The following DSE variants were observed in gnomAD, a reference collection of about 807,000 sequenced individuals.
DSE encodes the protein dermatan-sulfate epimerase.
Under a neutral mutation model 84.4 loss-of-function variants are expected in DSE, and 36 were observed. The ratio of observed to expected loss-of-function variants is 0.43; its 90% CI spans 0.33 to 0.56. DSE has a LOEUF of 0.56. Ranked by LOEUF, DSE falls within the 20% of genes least tolerant of loss-of-function variation. DSE has a pLI of 0.06. For missense variants in DSE, 862 were observed against 1,169.6 expected (o/e 0.74, Z 3.84); for synonymous variants, 410 against 430.1 (o/e 0.95, Z 0.58).
At chr6:116,432,080 G>C (rs1005745106) in intron 4 of DSE, among the ~76,000 whole-genome samples, 15 of 152,300 alleles carry the variant, frequency 9.8e-5, no homozygotes, top group African/African-American at 3.6e-4. Flanking sequence ...TTAAGATTTA[G>C]TTTAGACTTA....
At chr6:116,431,713 CAA>C (rs376536609) in intron 4 of DSE, among the ~76,000 whole-genome samples, 1 of 151,794 alleles carries the variant, frequency 6.6e-6, no homozygotes, top group Non-Finnish European at 1.5e-5. Context: ...GAAAAGTAAA[CAA>C]AAAAAGTGCT....
At chr6:116,348,675 C>T (rs371569132) in intron 2 of DSE, among the ~76,000 whole-genome samples, 68 of 152,220 alleles carry the variant, frequency 4.5e-4, no homozygotes, top group East Asian at 1.2e-3. Context: ...CACATGCACA[C>T]GTATGTTTAT....
intron 2 of DSE, among the ~76,000 whole-genome samples, chr6:116,289,357 C>A (rs1301784768): frequency 6.6e-6 from 1 of 151,912 alleles, no homozygotes; most frequent in Non-Finnish European, 1.5e-5. Flanking sequence ...ACCAAAAATT[C>A]ACAGTCAAGC....
In DSE at chr6:116,430,976, A is replaced by G. The variant is rs747871581; in HGVS notation, c.693A>G (p.Leu231=). 8.7e-6 allele frequency: 14 copies of G among 1,613,882 alleles called. No individual in the cohort carries two copies. The highest frequency in any genetic ancestry group is 2.2e-5 in the East Asian group (1 of 44,882). The part of the protein sequence containing the change: ...MNQGYLQEAY[L]WTKQVLTIME... ...CAGGATATCTTCAAGAAGCCTACTT[A>G]TGGACCAAACAAGTTCTGACCATCA... is the stretch of plus-strand genomic sequence containing the variant. Residue 231 remains leucine, a synonymous_variant, in exon 4 of 6, where the codon TTA becomes TTG. Coordinates refer to ENST00000644252, the MANE Select transcript of DSE (RefSeq NM_013352.4).
In DSE at chr6:116,267,788, C is replaced by A. The variant is rs573071042; in HGVS notation, c.-54+8821C>A. Among the ~76,000 whole-genome samples, 4 of 152,038 alleles carry A rather than the reference C, an allele frequency of 2.6e-5. No individual in the cohort carries two copies. The East Asian group carries it at 7.7e-4, about 29-fold the overall frequency. ...CTGACAGTTCCGTATGCCTGAGGAG[C>A]CCTCAGGAAACTTACAATCATGACA... On this transcript the variant is annotated intron_variant, in intron 2 of 3. Coordinates refer to the DSE transcript ENST00000430252.
At position 116,436,212 on chromosome 6, in the gene DSE, A is replaced by G. The variant is rs1439663212; in HGVS notation, c.1744A>G (p.Thr582Ala). The G allele has an allele frequency of 6.2e-7, 1 of 1,614,004 alleles. No homozygotes were observed. The highest frequency in any genetic ancestry group is 8.5e-7 in the Non-Finnish European group (1 of 1,179,996). Residue 582 changes from threonine (T) to alanine (A), a missense_variant, in exon 6 of 6, where the codon ACA (threonine) becomes GCA (alanine). Thr to Ala is a moderately conservative substitution (Grantham distance 58). Transcript: ENST00000644252. ...CCTGGGAGAGGAGAGTCCCTTGGAG[A>G]CAGCAGCGAGCTTCTTCCATAATGT... is the stretch of plus-strand genomic sequence containing the variant. ...IHLGEESPLE[T>A]AASFFHNVDV...
In DSE at chr6:116,440,481, A is replaced by G. The variant is rs755845507; in HGVS notation, c.*3136A>G. ...CCCGGCCAAGTTAAAAAAATTTTTG[A>G]TAGTTCACAAACCACTCACAAAAGA... On this transcript the variant is annotated 3_prime_UTR_variant, in exon 6 of 6. Transcript: ENST00000644252. 6.6e-6 allele frequency: 1 copy of G among 152,172 alleles called. No homozygotes were observed. Among genetic ancestry groups the G allele is most frequent in the African/African-American group, 2.4e-5 (1 of 41,432 alleles). The allele number at this position is 152,172 out of a possible 1,614,324, so 9.4% of individuals were successfully genotyped here.
chr6:116,356,092 C>T (rs757348512), intron 2 of DSE, among the ~76,000 whole-genome samples: 7 of 152,306 alleles, frequency 4.6e-5, no homozygotes, highest in African/African-American at 9.6e-5. Context: ...GGCTTTTAAA[C>T]GCTGTCCTGT....
At chr6:116,365,942 G>C (rs1212062298), upstream of DSE, 1 of 152,196 alleles carries the variant, frequency 6.6e-6, no homozygotes, top group African/African-American at 2.4e-5. Flanking sequence ...AATTGCTTCA[G>C]ATCCTGCCTG....
intron 2 of DSE, among the ~76,000 whole-genome samples, chr6:116,418,107 C>T (rs922854684): frequency 3.9e-5 from 6 of 151,980 alleles, no homozygotes; most frequent in East Asian, 1.9e-4. Flanking sequence ...TGGCAATTAT[C>T]GAGGGTAGAA....
chr6:116,265,940 C>A (rs1423483638), intron 2 of DSE, among the ~76,000 whole-genome samples: 1 of 152,188 alleles, frequency 6.6e-6, no homozygotes, highest in Non-Finnish European at 1.5e-5. Flanking sequence ...AATTAGCTCT[C>A]TCTGCCACCT....
At chr6:116,434,387 A>T (rs1456765903) in intron 5 of DSE, among the ~76,000 whole-genome samples, 1 of 152,182 alleles carries the variant, frequency 6.6e-6, no homozygotes, top group Non-Finnish European at 1.5e-5. Flanking sequence ...TTAAGGAGGA[A>T]AAAATATTAG....
chr6:116,344,186 T>C (rs1477503295), intron 2 of DSE, among the ~76,000 whole-genome samples: 2 of 152,132 alleles, frequency 1.3e-5, no homozygotes, highest in Non-Finnish European at 2.9e-5. Flanking sequence ...ACAGGGAGAA[T>C]GGAACCAAGT....
chr6:116,436,146 C>T lies in DSE; in HGVS notation c.1678C>T (p.Leu560Phe), dbSNP rs868313788. Residue 560 changes from leucine to phenylalanine, a missense_variant, in exon 6 of 6, where the codon CTC becomes TTC. Leu to Phe is a conservative substitution (Grantham distance 22, BLOSUM62 0). Around this residue, in one of 4 missense-constraint regions of DSE, gnomAD observed 186 missense variants for 255.1 expected, o/e 0.73. Coordinates refer to ENST00000644252, the MANE Select transcript of DSE (RefSeq NM_013352.4). ...GAAGAATGTTCAGAGGAATCTCATC[C>T]TCCTACATCCACAGCTGCTTCTCCT... The part of the protein sequence containing the change: ...NLKNVQRNLI[L>F]LHPQLLLLVD... 2 of 1,613,072 alleles carry T rather than the reference C, an allele frequency of 1.2e-6. No homozygotes were observed. Among genetic ancestry groups the T allele is most frequent in the Non-Finnish European group, 1.7e-6 (2 of 1,180,004 alleles).
intron 2 of DSE, among the ~76,000 whole-genome samples, chr6:116,335,469 C>A (rs1279382262): frequency 2.0e-5 from 3 of 152,102 alleles, no homozygotes; most frequent in Non-Finnish European, 4.4e-5. Flanking sequence ...TACAACAAAC[C>A]CCCATGACAT....
chr6:116,365,903 G>T (rs746406267), upstream of DSE, among the ~76,000 whole-genome samples: 1 of 152,166 alleles, frequency 6.6e-6, no homozygotes, highest in African/African-American at 2.4e-5. Context: ...TTTTAGCAGG[G>T]TTCTGAGAGG....
At chr6:116,269,148 A>T (rs1772765393) in intron 2 of DSE, among the ~76,000 whole-genome samples, 1 of 152,198 alleles carries the variant, frequency 6.6e-6, no homozygotes, top group African/African-American at 2.4e-5. Context: ...ACCCTTTGAA[A>T]TCAAACAGAT....
chr6:116,338,219 C>CTTTTTTTTTTT (rs893312210), intron 2 of DSE, among the ~76,000 whole-genome samples: 54 of 91,200 alleles, frequency 5.9e-4, no homozygotes, highest in Non-Finnish European at 8.5e-4. Context: ...TTTCTTCTTT[C>CTTTTTTTTTTT]TTTTTTTTTT....
At chr6:116,379,812 T>C (rs1202970262) in intron 1 of DSE, among the ~76,000 whole-genome samples, 1 of 152,198 alleles carries the variant, frequency 6.6e-6, no homozygotes, top group Non-Finnish European at 1.5e-5. Flanking sequence ...AAAAGTTGAA[T>C]TTCATCTCAA....
Sources: allele counts gnomAD v4.1 joint callset (sites outside exome capture counted in the v4.1 genomes callset), GRCh38; gene constraint gnomAD v4.1.1; regional missense constraint gnomAD v4.1.1; transcripts MANE v1.5; gene names NCBI Gene and HGNC (gene_info 2026-07-23, HGNC 2026-07-21).